The following ZNF423 variants were observed in gnomAD, a reference collection of about 807,000 sequenced individuals.
ZNF423 encodes Ebf-associated zinc finger protein.
ZNF423 carries 12 observed loss-of-function variants against 95.8 expected under a neutral mutation model. That is an observed-to-expected ratio of 0.13 (90% CI 0.08 to 0.20). ZNF423 has a LOEUF of 0.20. ZNF423 is among the 10% of genes least tolerant of loss of function. ZNF423 has a pLI of 1.00. For synonymous variants in ZNF423, 749 were observed against 711.9 expected (o/e 1.05, Z -0.83); for missense variants, 1,316 against 1,737.1 (o/e 0.76, Z 4.31).
At chr16:49,539,722 C>T (rs1969184773) in intron 5 of ZNF423, among the ~76,000 whole-genome samples, 1 of 152,038 alleles carries the variant, frequency 6.6e-6, no homozygotes, top group Non-Finnish European at 1.5e-5. Flanking sequence ...CTGTCACACC[C>T]AGCTTGCTTA....
At chr16:49,675,935 G>A (rs756697966) in intron 3 of ZNF423, among the ~76,000 whole-genome samples, 4 of 152,200 alleles carry the variant, frequency 2.6e-5, no homozygotes, top group Non-Finnish European at 5.9e-5. Flanking sequence ...GTGCAGAGGT[G>A]TGCAACATCC....
chr16:49,559,793 A>T (rs531668275), intron 5 of ZNF423, among the ~76,000 whole-genome samples: 1 of 152,144 alleles, frequency 6.6e-6, no homozygotes, highest in Non-Finnish European at 1.5e-5. Context: ...GCAGGGTCCC[A>T]TATTCACTAA....
rs185673752 is a variant in ZNF423, at chr16:49,580,488, C to T, written c.3601+45682G>A. Among the ~76,000 whole-genome samples the T allele has an allele frequency of 6.9e-4, 105 of 152,300 alleles. 1 individual carries two copies. Among genetic ancestry groups the T allele is most frequent in the African/African-American group, 2.5e-3 (103 of 41,548 alleles). On this transcript the variant is annotated intron_variant, in intron 5 of 7. Transcript: ENST00000563137. ...GCCCAGCAAAGCGCCTGAAGCAGAG[C>T]AGTCTCTCAAATGTTTGTTGAATGA...
chr16:49,499,515 G>A (rs978948720), intron 7 of ZNF423, among the ~76,000 whole-genome samples: 2 of 152,178 alleles, frequency 1.3e-5, no homozygotes, highest in Non-Finnish European at 2.9e-5. Flanking sequence ...AGTCACCTGG[G>A]GTAACATTTG....
rs1444843213 is a variant in ZNF423 at position 49,513,981 on chromosome 16, T to C, written c.3849+9643A>G. ...ATGCGAGGCCAGCCCAGGAGAATAA[T>C]GCAGGAAGGCAGTGGCCGTCTGTCC... On this transcript the variant is annotated intron_variant, in intron 7 of 7. Coordinates refer to ENST00000563137, the MANE Select transcript of ZNF423 (RefSeq NM_001379286.1). Among the ~76,000 whole-genome samples the C allele has an allele frequency of 3.3e-5, 5 of 151,976 alleles. No individual in the cohort carries two copies. In the East Asian group the frequency reaches 9.8e-4, roughly 30 times the overall value.
At chr16:49,805,492 A>C (rs568836525) in intron 1 of ZNF423, among the ~76,000 whole-genome samples, 51 of 152,220 alleles carry the variant, frequency 3.4e-4, no homozygotes, top group Non-Finnish European at 6.8e-4. Context: ...CTGGGTCTAC[A>C]TGGCTCTGAA....
At chr16:49,784,037 T>C (rs1397445917) in intron 2 of ZNF423, among the ~76,000 whole-genome samples, 3 of 150,294 alleles carry the variant, frequency 2.0e-5, no homozygotes, top group Admixed American at 2.0e-4. Flanking sequence ...TCATGCCTAC[T>C]AGGAAGTTTA....
chr16:49,691,723 C>T (rs1279499762), intron 3 of ZNF423, among the ~76,000 whole-genome samples: 3 of 150,996 alleles, frequency 2.0e-5, no homozygotes, highest in African/African-American at 7.3e-5. Flanking sequence ...CAGAGCGAGA[C>T]TCCATCTCAA....
rs1307538451 is a variant in ZNF423 at position 49,620,210 on chromosome 16, GACACACACATACACAT to G, written c.3601+5944_3601+5959del. On this transcript the variant is annotated intron_variant, in intron 5 of 7. Transcript: ENST00000563137. ...ACACACACATACACATACACACACA[GACACACACATACACAT>G]ACACACACAGACACATACACACACA... Among the ~76,000 whole-genome samples, 12 of 128,294 alleles carry G rather than the reference GACACACACATACACAT, an allele frequency of 9.4e-5. No individual in the cohort carries two copies. In the South Asian group the frequency reaches 1.8e-3, roughly 19 times the overall value. The allele number at this position is 128,294 out of a possible 152,430, so 84.2% of individuals were successfully genotyped here. A position where few individuals can be genotyped will look rare whatever the true frequency, so the allele number is the denominator to read the frequency against.
intron 2 of ZNF423, among the ~76,000 whole-genome samples, chr16:49,759,859 C>A (rs1422247334): frequency 6.6e-6 from 1 of 152,128 alleles, no homozygotes; most frequent in Admixed American, 6.5e-5. Flanking sequence ...CCCTGCTGCA[C>A]CTGCCCTTTG....
At position 49,823,391 on chromosome 16, in the gene ZNF423, G is replaced by GA. The variant is rs1004546172; in HGVS notation, c.40+32343dup. Among the ~76,000 whole-genome samples, 5 of 152,118 alleles carry GA rather than the reference G, an allele frequency of 3.3e-5. No individual in the cohort carries two copies. The East Asian group carries it at 5.8e-4, about 18-fold the overall frequency. On this transcript the variant is annotated intron_variant, in intron 1 of 7. Coordinates refer to ENST00000563137, the MANE Select transcript of ZNF423 (RefSeq NM_001379286.1). The stretch of plus-strand genomic sequence containing the variant: ...CTTGTTTAATCTTCACAGCTGTGCA[G>GA]AAAAAAACGAGTGTTAATGCTGCAT...
intron 2 of ZNF423, among the ~76,000 whole-genome samples, chr16:49,767,077 C>G (rs569422981): frequency 1.6e-4 from 24 of 152,044 alleles, no homozygotes; most frequent in Non-Finnish European, 3.1e-4. Flanking sequence ...TGGGCTCAAG[C>G]AGTCCTCCTA....
chr16:49,857,218 C>T (rs1040086458), upstream of ZNF423, among the ~76,000 whole-genome samples: 2 of 150,346 alleles, frequency 1.3e-5, no homozygotes, highest in Non-Finnish European at 3.0e-5. The surrounding 1 kb of genome is among the most constrained non-coding windows in gnomAD (Gnocchi z 6.2). Flanking sequence ...TGCTCCGGCT[C>T]GGATCAGACG....
In ZNF423 at chr16:49,542,457, C is replaced by A. The variant is rs1037593499; in HGVS notation, c.3602-16963G>T. 2.0e-5 allele frequency among the ~76,000 whole-genome samples: 3 copies of A among 152,338 alleles called. No homozygotes were observed. In the South Asian group the frequency reaches 6.2e-4, roughly 32 times the overall value. ...CTGCTGGGCTGGTCCCTATGGATGG[C>A]CCTGAAAAGATGTGAGTCATCATCC... On this transcript the variant is annotated intron_variant, in intron 5 of 7. Coordinates refer to ENST00000563137, the MANE Select transcript of ZNF423 (RefSeq NM_001379286.1).
intron 5 of ZNF423, among the ~76,000 whole-genome samples, chr16:49,539,217 T>C (rs1396814011): frequency 6.6e-6 from 1 of 152,026 alleles, no homozygotes; most frequent in East Asian, 1.9e-4. Context: ...CTCAACACCA[T>C]CCCAAATGCA....
intron 7 of ZNF423, among the ~76,000 whole-genome samples, chr16:49,493,073 G>GATTTCC (rs1967036172): frequency 6.6e-6 from 1 of 152,148 alleles, no homozygotes; most frequent in Admixed American, 6.5e-5. Context: ...TGAGGCCACA[G>GATTTCC]ATGGGATGCA....
At chr16:49,845,035 C>G (rs74826782) in intron 1 of ZNF423, among the ~76,000 whole-genome samples, 1 of 63,512 alleles carries the variant, frequency 1.6e-5, no homozygotes, top group Non-Finnish European at 2.6e-5. Flanking sequence ...AACTCCATCT[C>G]AAAAAAAAAA....
At chr16:49,796,725 C>A (rs2143868518) in intron 1 of ZNF423, among the ~76,000 whole-genome samples, 1 of 152,274 alleles carries the variant, frequency 6.6e-6, no homozygotes, top group East Asian at 1.9e-4. Flanking sequence ...CAGAATGCTC[C>A]TTTCTGAACT....
chr16:49,720,108 A>G (rs1467626913), intron 3 of ZNF423, among the ~76,000 whole-genome samples: 1 of 152,192 alleles, frequency 6.6e-6, no homozygotes, highest in African/African-American at 2.4e-5. Context: ...CTGCCCCCAA[A>G]GGACCAAGCA....
Sources: allele counts gnomAD v4.1 joint callset (sites outside exome capture counted in the v4.1 genomes callset), GRCh38; gene constraint gnomAD v4.1.1; non-coding constraint Gnocchi (gnomAD v3.1); transcripts MANE v1.5; gene names NCBI Gene and HGNC (gene_info 2026-07-23, HGNC 2026-07-21).